The following NALF1 variants were observed in gnomAD, a reference collection of about 807,000 sequenced individuals.
The protein encoded by NALF1 is NALCN channel auxiliary factor 1.
NALF1 carries 3 observed loss-of-function variants against 48.4 expected under a neutral mutation model. The observed-to-expected ratio is 0.06, with a 90% CI of 0.03 to 0.16. The LOEUF is 0.16. NALF1 is among the 10% of genes least tolerant of loss of function. NALF1 has a pLI of 1.00. For missense variants in NALF1, 526 were observed against 571.5 expected (o/e 0.92, Z 0.81); for synonymous variants, 262 against 245.7 (o/e 1.07, Z -0.62).
At chr13:107,318,685 A>G (rs1882196743) in intron 1 of NALF1, among the ~76,000 whole-genome samples, 1 of 152,080 alleles carries the variant, frequency 6.6e-6, no homozygotes. Context: ...CTTTGCCCCA[A>G]CGATTCTACT....
chr13:107,768,385 A>G (rs1180111366), intron 1 of NALF1, among the ~76,000 whole-genome samples: 1 of 152,176 alleles, frequency 6.6e-6, no homozygotes, highest in African/African-American at 2.4e-5. Flanking sequence ...TAGAAGTGAG[A>G]CTCATTTTAA....
At chr13:107,673,577 C>T (rs1197010098) in intron 1 of NALF1, among the ~76,000 whole-genome samples, 1 of 152,062 alleles carries the variant, frequency 6.6e-6, no homozygotes, top group Non-Finnish European at 1.5e-5. Flanking sequence ...TTAAAGGATG[C>T]GCAACTGCAG....
chr13:107,451,608 T>A (rs1049677565), intron 1 of NALF1, among the ~76,000 whole-genome samples: 1 of 152,180 alleles, frequency 6.6e-6, no homozygotes, highest in Non-Finnish European at 1.5e-5. Flanking sequence ...GCATTTTTAT[T>A]CTCTTTCCTC....
chr13:107,471,667 T>G (rs991861855), intron 1 of NALF1, among the ~76,000 whole-genome samples: 1 of 152,234 alleles, frequency 6.6e-6, no homozygotes, highest in Non-Finnish European at 1.5e-5. Flanking sequence ...AAATAAGCTC[T>G]CTAATCAATG....
chr13:107,497,906 C>A (rs1034564227), intron 1 of NALF1, among the ~76,000 whole-genome samples: 1 of 152,154 alleles, frequency 6.6e-6, no homozygotes, highest in Non-Finnish European at 1.5e-5. Flanking sequence ...CATATGCATG[C>A]AGATAAAGTC....
chr13:107,866,364 TGCC>T lies in NALF1; in HGVS notation c.230_232del (p.Arg77del), dbSNP rs1566511811. 1 of 1,543,718 alleles carries T rather than the reference TGCC, an allele frequency of 6.5e-7. No individual in the cohort carries two copies. On this transcript the variant is annotated inframe_deletion, in exon 1 of 3. Coordinates refer to ENST00000375915, the MANE Select transcript of NALF1 (RefSeq NM_001080396.3). The surrounding 1 kb of genome is among the most constrained non-coding windows in gnomAD (Gnocchi z 4.4). ...CTGCTGCTGCTGCTGCTGCTGCTGC[TGCC>T]GCTGCTGCTGCTGGTGCTCCTTGTC... is the stretch of plus-strand genomic sequence containing the variant.
At chr13:107,605,752 AGTGGGC>A (rs1879049063) in intron 1 of NALF1, among the ~76,000 whole-genome samples, 1 of 152,226 alleles carries the variant, frequency 6.6e-6, no homozygotes, top group Non-Finnish European at 1.5e-5. Flanking sequence ...GATTAAACAA[AGTGGGC>A]TCAAGTCCCT....
At position 107,170,553 on chromosome 13, in the gene NALF1, C is replaced by T. The variant is rs368819397; in HGVS notation, c.1321G>A (p.Gly441Arg). Residue 441 changes from glycine (G) to arginine (R), a missense_variant, in exon 3 of 3, where the codon GGA becomes AGA. This residue lies in a region of NALF1 where 153 missense variants were observed against 215.9 expected (regional missense o/e 0.71). Coordinates refer to ENST00000375915, the MANE Select transcript of NALF1 (RefSeq NM_001080396.3). Reference protein sequence around the residue: ...LTASAAQNTAGLSFGGINTLE... With the variant: ...LTASAAQNTARLSFGGINTLE... ...GTGTTGATGCCTCCAAAGCTCAGTCCGGCTGTGTTCTGTGCTGCCGAGGCT... is the reference window on the plus strand; with the variant it reads ...GTGTTGATGCCTCCAAAGCTCAGTCTGGCTGTGTTCTGTGCTGCCGAGGCT... The T allele has an allele frequency of 1.4e-5, 22 of 1,613,612 alleles. No homozygotes were observed. The highest frequency in any genetic ancestry group is 2.2e-5 in the East Asian group (1 of 44,886).
chr13:107,440,050 A>G (rs1884530855), intron 1 of NALF1, among the ~76,000 whole-genome samples: 2 of 152,224 alleles, frequency 1.3e-5, no homozygotes, highest in African/African-American at 4.8e-5. Context: ...TTTGTCCATT[A>G]TAACTGCAGT....
chr13:107,429,103 A>G (rs543091135), intron 1 of NALF1, among the ~76,000 whole-genome samples: 4 of 152,184 alleles, frequency 2.6e-5, no homozygotes, highest in African/African-American at 9.6e-5. Context: ...TGGGTGGATT[A>G]CCTGAGGTCA....
At chr13:107,627,262 G>C (rs1594169119) in intron 1 of NALF1, among the ~76,000 whole-genome samples, 1 of 152,186 alleles carries the variant, frequency 6.6e-6, no homozygotes, top group East Asian at 1.9e-4. Flanking sequence ...GAAAAGAAAA[G>C]TATGAAAGAA....
At chr13:107,242,640 A>G (rs908184881) in intron 1 of NALF1, among the ~76,000 whole-genome samples, 1 of 152,192 alleles carries the variant, frequency 6.6e-6, no homozygotes, top group African/African-American at 2.4e-5. Flanking sequence ...TCAAAGTGAC[A>G]GCCGTCTGCT....
chr13:107,305,472 T>C (rs1385417052), intron 1 of NALF1, among the ~76,000 whole-genome samples: 1 of 152,248 alleles, frequency 6.6e-6, no homozygotes, highest in East Asian at 1.9e-4. Flanking sequence ...TTACTCATAT[T>C]AAGTTAAAAA....
rs1472790427 is a variant in NALF1, at chr13:107,337,074, AAAAT to A, written c.916-126323_916-126320del. Among the ~76,000 whole-genome samples the A allele has an allele frequency of 6.3e-3, 890 of 140,302 alleles. 6 individuals are homozygous for A. The highest frequency in any genetic ancestry group is 9.9e-3 in the Non-Finnish European group (624 of 63,062). The allele number at this position is 140,302 out of a possible 152,430, so 92.0% of individuals were successfully genotyped here. On this transcript the variant is annotated intron_variant, in intron 1 of 2. Transcript: ENST00000375915. ...AAAAAAAAAAAAAAAAAAAAAAAAA[AAAAT>A]GTCAGAAGAAAAGAGACTCTTTAGG...
chr13:107,376,272 A>G (rs1883337450), intron 1 of NALF1, among the ~76,000 whole-genome samples: 1 of 152,158 alleles, frequency 6.6e-6, no homozygotes, highest in Admixed American at 6.6e-5. Flanking sequence ...TCATCTAGTT[A>G]AACTGTTGTT....
At chr13:107,617,918 G>C (rs9559102) in intron 1 of NALF1, among the ~76,000 whole-genome samples, 2 of 151,914 alleles carry the variant, frequency 1.3e-5, no homozygotes, top group African/African-American at 2.4e-5. Context: ...TCTCATTCTT[G>C]GAATTGCTTT....
At chr13:107,572,264 T>G (rs1334953450) in intron 1 of NALF1, among the ~76,000 whole-genome samples, 1 of 152,164 alleles carries the variant, frequency 6.6e-6, no homozygotes, top group East Asian at 1.9e-4. Flanking sequence ...CTGGTCTATT[T>G]TTTTCAACGA....
intron 2 of NALF1, among the ~76,000 whole-genome samples, chr13:107,183,628 T>C (rs1241687093): frequency 1.3e-5 from 2 of 151,998 alleles, no homozygotes; most frequent in East Asian, 3.9e-4. Context: ...ATAAAGAAAA[T>C]GTCGCACATA....
intron 1 of NALF1, among the ~76,000 whole-genome samples, chr13:107,389,183 G>A (rs146284685): frequency 1.3e-5 from 2 of 152,272 alleles, no homozygotes; most frequent in African/African-American, 4.8e-5. Flanking sequence ...AGTAGCCAAC[G>A]GCTCACTTCG....
Sources: allele counts gnomAD v4.1 joint callset (sites outside exome capture counted in the v4.1 genomes callset), GRCh38; gene constraint gnomAD v4.1.1; regional missense constraint gnomAD v4.1.1; non-coding constraint Gnocchi (gnomAD v3.1); transcripts MANE v1.5; gene names NCBI Gene and HGNC (gene_info 2026-07-23, HGNC 2026-07-21).